The following ALG5 variants were observed in gnomAD, a reference collection of about 807,000 sequenced individuals.
The protein encoded by ALG5 is dolichyl-phosphate beta-glucosyltransferase.
In ALG5, 26 loss-of-function variants were observed where a neutral mutation model predicts 51.8. The ratio of observed to expected loss-of-function variants is 0.50; its 90% CI spans 0.37 to 0.70. ALG5 has a LOEUF of 0.70. ALG5 is among the 30% of genes least tolerant of loss of function. ALG5 has a pLI of 0.00. For synonymous variants in ALG5, 141 were observed against 136.1 expected (o/e 1.04, Z -0.25); for missense variants, 311 against 399.3 (o/e 0.78, Z 1.88).
intron 8 of ALG5, among the ~76,000 whole-genome samples, chr13:36,961,431 T>C (rs573548552): frequency 2.6e-5 from 4 of 152,234 alleles, no homozygotes; most frequent in South Asian, 4.2e-4. Context: ...AACAAACACA[T>C]ACTATTTACA....
chr13:36,961,213 T>C (rs1455156261), intron 8 of ALG5, among the ~76,000 whole-genome samples: 1 of 151,942 alleles, frequency 6.6e-6, no homozygotes, highest in Admixed American at 6.6e-5. Flanking sequence ...CTCAGGATTT[T>C]GGGACCAGCC....
chr13:36,996,224 T>C (rs1018408977), intron 1 of ALG5, among the ~76,000 whole-genome samples: 3 of 152,248 alleles, frequency 2.0e-5, no homozygotes, highest in Admixed American at 2.0e-4. Flanking sequence ...CCCTTCCATA[T>C]GCACTTGGGA....
Position 36,999,230 on chromosome 13 carries a change from C to T in ALG5, c.66+5G>A. On this transcript the variant is annotated splice_donor_5th_base_variant and intron_variant, in intron 1 of 9. Transcript: ENST00000239891. ...GCCTGCGCGGGTTCCCATCCCTGTT[C>T]TCACCAGTACGAGGGCTGCGGCCGC... is the stretch of plus-strand genomic sequence containing the variant. 1 of 1,575,048 alleles carries T rather than the reference C, an allele frequency of 6.3e-7. No individual in the cohort carries two copies. Among genetic ancestry groups the T allele is most frequent in the East Asian group, 2.5e-5 (1 of 39,584 alleles).
intron 7 of ALG5, among the ~76,000 whole-genome samples, chr13:36,966,829 T>C (rs1038147704): frequency 3.9e-5 from 6 of 152,218 alleles, no homozygotes; most frequent in Admixed American, 2.6e-4. Context: ...CTTTTGGCTT[T>C]TGCTTTTCAA....
intron 6 of ALG5, among the ~76,000 whole-genome samples, chr13:36,978,140 C>A (rs1476604023): frequency 6.6e-6 from 1 of 150,402 alleles, no homozygotes; most frequent in Non-Finnish European, 1.5e-5. Flanking sequence ...CCCGCCTCGG[C>A]CTCCCAAAGT....
chr13:36,954,694 C>G (rs75311290), intron 8 of ALG5, among the ~76,000 whole-genome samples: 4,396 of 152,258 alleles, frequency 0.029, 94 homozygotes, highest in Middle Eastern at 0.048. Flanking sequence ...AACTAAGATG[C>G]CTTCATTTGT....
intron 5 of ALG5, 80 bp downstream of exon 5, chr13:36,989,404 G>T (rs2059015939): frequency 9.8e-7 from 1 of 1,015,786 alleles, no homozygotes; most frequent in Non-Finnish European, 1.5e-6. Flanking sequence ...TTCAAGCAGT[G>T]GGCAAACATA....
At chr13:36,952,853 G>A (rs1047677223) in intron 8 of ALG5, 7 of 244,594 alleles carry the variant, frequency 2.9e-5, no homozygotes, top group Admixed American at 5.6e-5. Context: ...GGTAAAACTA[G>A]CCTCATGGGT....
At chr13:36,978,638 G>A (rs7991181) in intron 6 of ALG5, among the ~76,000 whole-genome samples, 125,852 of 151,700 alleles carry the variant, frequency 0.83, 52,827 homozygotes, top group East Asian at 1. Flanking sequence ...TTAGCCGGGC[G>A]TGGTGGCTCA....
intron 8 of ALG5, among the ~76,000 whole-genome samples, chr13:36,963,256 A>G (rs1425464106): frequency 6.6e-6 from 1 of 152,208 alleles, no homozygotes; most frequent in Non-Finnish European, 1.5e-5. Context: ...TACTTTTTAA[A>G]TGTGGCTAAT....
chr13:36,992,217 C>G (rs1010578466), intron 4 of ALG5, among the ~76,000 whole-genome samples: 3 of 150,136 alleles, frequency 2.0e-5, no homozygotes, highest in African/African-American at 7.6e-5. Context: ...TGCATATTTC[C>G]AGTATTATTA....
chr13:36,965,823 T>C, intron 7 of ALG5, 97 bp from the exon 8 acceptor site: 2 of 1,023,484 alleles, frequency 2.0e-6, no homozygotes. Context: ...TAATATTTAA[T>C]TGACTGGTAG....
At chr13:36,965,440 G>T (rs1232538161) in intron 8 of ALG5, 135 bp downstream of exon 8, 6 of 924,018 alleles carry the variant, frequency 6.5e-6, no homozygotes, top group South Asian at 2.0e-5. Flanking sequence ...ATAAAGGCAA[G>T]ATCAAGTTTA....
At chr13:36,961,235 C>T (rs1422328523) in intron 8 of ALG5, among the ~76,000 whole-genome samples, 1 of 151,922 alleles carries the variant, frequency 6.6e-6, no homozygotes, top group Non-Finnish European at 1.5e-5. Context: ...GGCAATGTGG[C>T]AAACTCTGTC....
intron 6 of ALG5, among the ~76,000 whole-genome samples, chr13:36,980,066 T>A (rs1271491044): frequency 6.6e-6 from 1 of 152,018 alleles, no homozygotes; most frequent in East Asian, 1.9e-4. Flanking sequence ...TAATAAAAAA[T>A]AAATAAAATA....
intron 5 of ALG5, among the ~76,000 whole-genome samples, chr13:36,986,772 A>T (rs1264338434): frequency 2.0e-5 from 3 of 152,146 alleles, no homozygotes; most frequent in African/African-American, 4.8e-5. Context: ...AAAAAAATTT[A>T]AAAAATTAGC....
intron 6 of ALG5, among the ~76,000 whole-genome samples, chr13:36,972,426 CAA>C (rs2058928422): frequency 6.6e-6 from 1 of 151,914 alleles, no homozygotes. Flanking sequence ...ACATTAGAAA[CAA>C]AGAATTTTAA....
intron 1 of ALG5, among the ~76,000 whole-genome samples, chr13:36,995,945 C>T (rs1303855976): frequency 1.3e-5 from 2 of 152,096 alleles, no homozygotes; most frequent in Non-Finnish European, 1.5e-5. Flanking sequence ...TGATCCTTAG[C>T]GTGTCTACAT....
chr13:36,966,162 T>G (rs1254685028), intron 7 of ALG5, among the ~76,000 whole-genome samples: 2 of 152,206 alleles, frequency 1.3e-5, no homozygotes, highest in African/African-American at 4.8e-5. Context: ...GATACTTAAC[T>G]AATGAGAATA....
Sources: gnomAD v4.1 joint callset for allele counts (sites outside exome capture counted in the v4.1 genomes callset) on GRCh38, gnomAD v4.1.1 for gene constraint, MANE v1.5 for transcripts, NCBI Gene and HGNC (gene_info 2026-07-23, HGNC 2026-07-21) for gene names.